SGCD: variants seen among roughly 807,000 people sequenced by gnomAD.
SGCD encodes sarcoglycan delta.
Under a neutral mutation model 36.6 loss-of-function variants are expected in SGCD, and 18 were observed. That is an observed-to-expected ratio of 0.49 (90% CI 0.34 to 0.73). The LOEUF (loss-of-function observed/expected upper bound fraction) is 0.73. SGCD is among the 30% of genes least tolerant of loss of function. SGCD has a pLI of 0.01. For synonymous variants in SGCD, 133 were observed against 130.6 expected (o/e 1.02, Z -0.12); for missense variants, 387 against 346.7 (o/e 1.12, Z -0.92).
chr5:155,802,108 C>T, the SGCD span, among the ~76,000 whole-genome samples: 1 of 152,138 alleles, frequency 6.6e-6, no homozygotes, highest in African/African-American at 2.4e-5. Flanking sequence ...AGTGTTTTTC[C>T]CAGAAGAGGG....
the SGCD span, among the ~76,000 whole-genome samples, chr5:155,783,207 G>A: frequency 6.6e-6 from 1 of 152,158 alleles, no homozygotes; most frequent in Non-Finnish European, 1.5e-5. Flanking sequence ...TTCTATAATT[G>A]TGAGTGCCTT....
intron 1 of SGCD, among the ~76,000 whole-genome samples, chr5:156,062,076 T>A (rs1304688211): frequency 1.4e-5 from 1 of 72,338 alleles, no homozygotes; most frequent in Non-Finnish European, 2.5e-5. Flanking sequence ...ATGCTATCCC[T>A]CCCCCCTCCC....
At chr5:156,082,271 G>C (rs545796500) in intron 1 of SGCD, among the ~76,000 whole-genome samples, 12 of 97,608 alleles carry the variant, frequency 1.2e-4, no homozygotes, top group Non-Finnish European at 2.1e-4. Flanking sequence ...GCTGGTGGGC[G>C]GGGGGGTCCA....
At chr5:155,900,193 T>C (rs867453459) in intron 1 of SGCD, among the ~76,000 whole-genome samples, 1 of 152,210 alleles carries the variant, frequency 6.6e-6, no homozygotes, top group Non-Finnish European at 1.5e-5. Context: ...TCTAAAATAG[T>C]CAAACTACTG....
At chr5:155,868,756 A>G (rs968957184), upstream of SGCD, among the ~76,000 whole-genome samples, 5 of 152,192 alleles carry the variant, frequency 3.3e-5, no homozygotes, top group African/African-American at 1.2e-4. Flanking sequence ...GCTGAAATGG[A>G]TAAGAATGAT....
chr5:155,960,783 A>G (rs916661363), intron 1 of SGCD, among the ~76,000 whole-genome samples: 4 of 152,106 alleles, frequency 2.6e-5, no homozygotes, highest in Non-Finnish European at 5.9e-5. Context: ...GAAATTCCTT[A>G]TGGAAAATCC....
intron 3 of SGCD, among the ~76,000 whole-genome samples, chr5:156,231,077 T>C (rs1765003076): frequency 6.6e-6 from 1 of 152,068 alleles, no homozygotes; most frequent in African/African-American, 2.4e-5. Flanking sequence ...ATGAGTTTGG[T>C]TTTGAACTTG....
intron 2 of SGCD, among the ~76,000 whole-genome samples, chr5:156,118,674 A>G (rs1379215030): frequency 6.6e-6 from 1 of 152,186 alleles, no homozygotes; most frequent in Non-Finnish European, 1.5e-5. Context: ...TTTAACATTC[A>G]GTGACATTTT....
chr5:156,314,909 C>A (rs1767476037), intron 3 of SGCD, among the ~76,000 whole-genome samples: 1 of 151,892 alleles, frequency 6.6e-6, no homozygotes, highest in Non-Finnish European at 1.5e-5. Flanking sequence ...TTTCCCCTAG[C>A]TTCATTGAGA....
the SGCD span, among the ~76,000 whole-genome samples, chr5:155,758,045 A>G: frequency 1.3e-5 from 2 of 152,078 alleles, no homozygotes; most frequent in South Asian, 2.1e-4. Context: ...TGAGTTCTCC[A>G]TTAAACCTCT....
chr5:156,442,408 C>T (rs1340789154), intron 3 of SGCD, among the ~76,000 whole-genome samples: 1 of 152,182 alleles, frequency 6.6e-6, no homozygotes, highest in Non-Finnish European at 1.5e-5. Context: ...GTCCCCACGT[C>T]TCTGGAAGTC....
At chr5:156,223,704 A>G (rs1278006058) in intron 3 of SGCD, among the ~76,000 whole-genome samples, 1 of 152,074 alleles carries the variant, frequency 6.6e-6, no homozygotes, top group Non-Finnish European at 1.5e-5. Flanking sequence ...GCCTTAGAAG[A>G]GAAACACAGC....
intron 3 of SGCD, among the ~76,000 whole-genome samples, chr5:156,370,997 G>A (rs184196500): frequency 7.9e-5 from 12 of 152,082 alleles, no homozygotes; most frequent in Admixed American, 5.2e-4. Flanking sequence ...AAACAGTGAT[G>A]TTTTTCTCCC....
intron 6 of SGCD, among the ~76,000 whole-genome samples, chr5:156,640,631 T>A (rs1053061717): frequency 4.6e-5 from 7 of 152,184 alleles, no homozygotes; most frequent in African/African-American, 1.4e-4. Flanking sequence ...TGTGCATTTT[T>A]AAATTTTTTT....
At chr5:155,737,824 C>T in the SGCD span, among the ~76,000 whole-genome samples, 2 of 152,034 alleles carry the variant, frequency 1.3e-5, no homozygotes, top group African/African-American at 4.8e-5. Flanking sequence ...GACCTCCATT[C>T]CCCCCATGTA....
intron 1 of SGCD, among the ~76,000 whole-genome samples, chr5:156,015,607 A>ATG (rs201246800): frequency 2.6e-5 from 4 of 150,954 alleles, no homozygotes; most frequent in Admixed American, 1.3e-4. Context: ...ATATGTATGC[A>ATG]TGTGTGTGTG....
intron 1 of SGCD, among the ~76,000 whole-genome samples, chr5:155,907,441 C>T (rs564251045): frequency 3.9e-4 from 59 of 152,026 alleles, no homozygotes; most frequent in Non-Finnish European, 7.5e-4. Context: ...CTTCTCTGAT[C>T]GATCTGAGCA....
At position 156,717,960 on chromosome 5, in the gene SGCD, G is replaced by T. The variant is rs961973873; in HGVS notation, c.576-39621G>T. 2.0e-5 allele frequency among the ~76,000 whole-genome samples: 3 copies of T among 152,072 alleles called. No individual in the cohort carries two copies. The South Asian group carries it at 6.2e-4, about 31-fold the overall frequency. On this transcript the variant is annotated intron_variant, in intron 7 of 8. Transcript: ENST00000337851. ...GCCTCTAGGGATCTGTAGGCATAAG[G>T]TTCTTCCATCCTGACAGTACTTTCT...
chr5:155,788,499 C>G, the SGCD span, among the ~76,000 whole-genome samples: 4 of 152,168 alleles, frequency 2.6e-5, no homozygotes, highest in East Asian at 7.7e-4. Flanking sequence ...CAAGATACAT[C>G]TATGTTAGGT....
Sources: allele counts gnomAD v4.1 joint callset (sites outside exome capture counted in the v4.1 genomes callset), GRCh38; gene constraint gnomAD v4.1.1; transcripts MANE v1.5; gene names NCBI Gene and HGNC (gene_info 2026-07-23, HGNC 2026-07-21).